CEP164: variants seen among roughly 807,000 people sequenced by gnomAD.
CEP164 encodes centrosomal protein 164.
In CEP164, 162 loss-of-function variants were observed where a neutral mutation model predicts 182.7. That is an observed-to-expected ratio of 0.89 (90% confidence interval 0.78 to 1.01). CEP164 has a LOEUF of 1.01. CEP164 is among the 50% of genes least tolerant of loss of function. CEP164 has a pLI of 0.00. For missense variants in CEP164, 1,735 were observed against 1,790.4 expected, an observed-to-expected ratio of 0.97 and a Z score of 0.56; for synonymous variants, 661 against 690.0, an observed-to-expected ratio of 0.96 and a Z score of 0.66.
At position 117,395,621 on chromosome 11, in the gene CEP164, G is replaced by A. The variant is rs1565593444; in HGVS notation, c.2988G>A (p.Gln996=). The part of the protein sequence containing the change: ...EHTHLLQSNQ[Q]LREILDELQA... ...CCCACCTGTTGCAGTCAAACCAGCA[G>A]CTCCGAGAAATTCTTGATGAGCTGC... The change falls in exon 24 of 33, where the codon CAG becomes CAA. Residue 996 remains glutamine, a synonymous_variant. Coordinates refer to ENST00000278935, the MANE Select transcript of CEP164 (RefSeq NM_014956.5). The A allele has an allele frequency of 6.2e-7, 1 of 1,613,868 alleles. No homozygotes were observed.
At chr11:117,402,675 T>A (rs960943641) in intron 27 of CEP164, among the ~76,000 whole-genome samples, 3 of 152,242 alleles carry the variant, frequency 2.0e-5, no homozygotes, top group South Asian at 2.1e-4. Context: ...CTAAGAAGAA[T>A]GTATATTCCA....
chr11:117,412,619 C>A lies in CEP164; in HGVS notation c.*451C>A, dbSNP rs1324266256. On this transcript the variant is annotated 3_prime_UTR_variant, in exon 33 of 33. Transcript: ENST00000278935. ...CCCCCAGCATGTGTGTACCCTGGGA[C>A]CCGATTTCTCTGGGCCCACATCTAT... is the stretch of plus-strand genomic sequence containing the variant. 6.3e-6 allele frequency: 1 copy of A among 158,096 alleles called. No individual in the cohort carries two copies. The highest frequency in any genetic ancestry group is 6.0e-5 in the Admixed American group (1 of 16,760). 9.8% of individuals were successfully genotyped at this position (158,096 alleles called of 1,614,324 possible).
chr11:117,362,572 C>G (rs749162955), intron 7 of CEP164, 34 bp downstream of exon 7: 2 of 1,579,028 alleles, frequency 1.3e-6, no homozygotes, highest in East Asian at 4.5e-5. Flanking sequence ...GCCTGGAAAC[C>G]CTCTGTGCCA....
chr11:117,390,304 A>T (rs1232210905), intron 15 of CEP164, among the ~76,000 whole-genome samples: 1 of 152,020 alleles, frequency 6.6e-6, no homozygotes. Flanking sequence ...GGGAGGTATT[A>T]GGGAGGCAGC....
In CEP164 at chr11:117,371,102, C is replaced by T; in HGVS notation, c.788C>T (p.Pro263Leu). Residue 263 changes from proline (P) to leucine (L), a missense_variant, in exon 9 of 33, where the codon CCA becomes CTA. Transcript: ENST00000278935. ...TAGGAGTCTCTGAGAACAAGCCAGC[C>T]AGAGGAGAAGAAGGATGTTTCTCTG... is the stretch of plus-strand genomic sequence containing the variant. ...EYEESLRTSQ[P>L]EEKKDVSLDS... The T allele has an allele frequency of 6.9e-6, 11 of 1,604,562 alleles. No homozygotes were observed. Among genetic ancestry groups the T allele is most frequent in the Non-Finnish European group, 9.4e-6 (11 of 1,174,390 alleles).
At chr11:117,355,377 A>C in intron 5 of CEP164, 1 of 1,289,838 alleles carries the variant, frequency 7.8e-7, no homozygotes, top group Non-Finnish European at 1.0e-6. Context: ...GGGCTTCTCC[A>C]AAATATGCAG....
intron 5 of CEP164, among the ~76,000 whole-genome samples, chr11:117,361,005 G>T (rs1272714371): frequency 2.0e-5 from 3 of 150,104 alleles, no homozygotes; most frequent in Non-Finnish European, 3.0e-5. Context: ...TGTGATCTCG[G>T]GTCACTGCAA....
At chr11:117,392,898 GT>G (rs112619246) in intron 19 of CEP164, 105 bp from the exon 20 acceptor site, 1 of 1,529,712 alleles carries the variant, frequency 6.5e-7, no homozygotes, top group Non-Finnish European at 8.9e-7. Flanking sequence ...TGTTGTGTGT[GT>G]TGGGGGAGAT....
intron 4 of CEP164, among the ~76,000 whole-genome samples, chr11:117,347,622 A>G (rs1348959071): frequency 1.3e-5 from 2 of 151,802 alleles, no homozygotes; most frequent in Non-Finnish European, 2.9e-5. Flanking sequence ...AGGCAGGAGA[A>G]TTGCTTGAAC....
At position 117,329,862 on chromosome 11, in the gene CEP164, T is replaced by A. The variant is rs559260586; in HGVS notation, c.-98+1958T>A. On this transcript the variant is annotated intron_variant, in intron 1 of 32. Transcript: ENST00000278935. The stretch of plus-strand genomic sequence containing the variant: ...GCCTTTTTTTTTTTTTTTTTTTTTT[T>A]AACTTTGCTAAGCCTCAGTTTCCTT... Among the ~76,000 whole-genome samples the A allele has an allele frequency of 2.9e-4, 41 of 141,344 alleles. No homozygotes were observed. In the South Asian group the frequency reaches 7.8e-3, roughly 27 times the overall value. 92.7% of individuals were successfully genotyped at this position (141,344 alleles called of 152,430 possible).
chr11:117,374,139 G>A (rs1172116615), intron 10 of CEP164, among the ~76,000 whole-genome samples: 7 of 152,118 alleles, frequency 4.6e-5, no homozygotes, highest in African/African-American at 1.4e-4. Flanking sequence ...TGTGTGAGTT[G>A]CCTGTGTGAT....
At chr11:117,350,964 T>G (rs1221792335) in intron 4 of CEP164, among the ~76,000 whole-genome samples, 1 of 152,192 alleles carries the variant, frequency 6.6e-6, no homozygotes, top group Non-Finnish European at 1.5e-5. Flanking sequence ...AAAAACAGAT[T>G]CTTGAAATAT....
chr11:117,410,209 A>G (rs923015449), intron 30 of CEP164: 3 of 612,384 alleles, frequency 4.9e-6, no homozygotes, highest in East Asian at 2.8e-5. Flanking sequence ...GACGGTTTAG[A>G]TGGAGCCTGG....
At position 117,403,667 on chromosome 11, in the gene CEP164, G is replaced by C. The variant is rs569090083; in HGVS notation, c.3502-4258G>C. ...TCTTCTCGAGGAGTATCTTTGTGGT[G>C]TTCTCTGTATTTCCTGAATTTGAAT... On this transcript the variant is annotated intron_variant, in intron 27 of 32. Coordinates refer to ENST00000278935, the MANE Select transcript of CEP164 (RefSeq NM_014956.5). Among the ~76,000 whole-genome samples the C allele has an allele frequency of 2.0e-5, 3 of 152,220 alleles. No homozygotes were observed. The East Asian group carries it at 5.8e-4, about 29-fold the overall frequency.
At chr11:117,402,328 C>T (rs929173294) in intron 27 of CEP164, among the ~76,000 whole-genome samples, 7 of 151,764 alleles carry the variant, frequency 4.6e-5, no homozygotes, top group Non-Finnish European at 8.8e-5. Context: ...TCAAGCGATT[C>T]TCCTGCTTCA....
At chr11:117,354,003 CCTTCTTCTTCTTCTT>C (rs142197131) in intron 5 of CEP164, among the ~76,000 whole-genome samples, 2 of 119,560 alleles carry the variant, frequency 1.7e-5, no homozygotes, top group Non-Finnish European at 3.6e-5. Context: ...TTCTTCTTCT[CCTTCTTCTTCTTCTT>C]CTTCTTTTTT....
intron 19 of CEP164, 55 bp downstream of exon 19, chr11:117,392,682 A>C: frequency 1.3e-6 from 2 of 1,588,236 alleles, no homozygotes; most frequent in African/African-American, 1.3e-5. Flanking sequence ...ACTCTCTTAC[A>C]GTCAGCTGAG....
chr11:117,344,107 TGTGA>T (rs2038536390), intron 3 of CEP164, 55 bp from the exon 4 acceptor site: 1 of 911,744 alleles, frequency 1.1e-6, no homozygotes, highest in African/African-American at 1.7e-5. Flanking sequence ...GAAAAAAGAT[TGTGA>T]GTTTTTTTCT....
chr11:117,390,864 A>G lies in CEP164; in HGVS notation c.2022A>G (p.Arg674=). 6.2e-7 allele frequency: 1 copy of G among 1,613,770 alleles called. No homozygotes were observed. Among genetic ancestry groups the G allele is most frequent in the Non-Finnish European group, 8.5e-7 (1 of 1,179,982 alleles). Residue 674 remains arginine (R), a synonymous_variant, in exon 16 of 33, where the codon CGA becomes CGG. Transcript: ENST00000278935. ...AAAGCCAGAGGCTATCCTGGCTCCG[A>G]GCTCAGGTCCAGTCCAGCACACAAG... is the stretch of plus-strand genomic sequence containing the variant. ...EEESQRLSWL[R]AQVQSSTQAD... is the part of the protein sequence containing the mutation.
Sources: allele counts gnomAD v4.1 joint callset (sites outside exome capture counted in the v4.1 genomes callset), GRCh38; gene constraint gnomAD v4.1.1; transcripts MANE v1.5; gene names NCBI Gene and HGNC (gene_info 2026-07-23, HGNC 2026-07-21).